The following BCL2 variants were observed in gnomAD, a reference collection of about 807,000 sequenced individuals.
BCL2 encodes the protein apoptosis regulator Bcl-2.
In BCL2, 1 loss-of-function variant was observed where a neutral mutation model predicts 14.2. The ratio of observed to expected loss-of-function variants is 0.07; its 90% CI spans 0.02 to 0.33. The LOEUF (loss-of-function observed/expected upper bound fraction) is 0.33, where lower values mean the gene tolerates loss of function less well. Ranked by LOEUF, BCL2 falls within the 10% of genes least tolerant of loss-of-function variation. BCL2 has a pLI of 0.99. For missense variants in BCL2, 247 were observed against 305.9 expected (o/e 0.81, Z 1.44); for synonymous variants, 151 against 137.2 (o/e 1.10, Z -0.70).
intron 2 of BCL2, among the ~76,000 whole-genome samples, chr18:63,209,015 G>C (rs553992927): frequency 6.6e-6 from 1 of 152,230 alleles, no homozygotes; most frequent in Non-Finnish European, 1.5e-5. Context: ...TCAGCTCAGA[G>C]CCAGTCACCA....
chr18:63,189,725 T>C (rs145669422), intron 2 of BCL2, among the ~76,000 whole-genome samples: 156 of 116,668 alleles, frequency 1.3e-3, no homozygotes, highest in African/African-American at 4.9e-3. Context: ...TCCAATGAAG[T>C]GCTGCTTTCA....
chr18:63,318,421 C>G lies in BCL2; in HGVS notation c.246G>C (p.Ala82=), dbSNP rs1214020406. The change falls in exon 2 of 3, where the codon GCG becomes GCC. Residue 82 remains alanine, a synonymous_variant. Transcript: ENST00000333681. This position sits in a 1 kb window ranked among gnomAD's most constrained non-coding sequence, Gnocchi z 7.4. ...LQTPAAPGAA[A]GPALSPVPPV... ...GTGGCACCGGGCTGAGCGCAGGCCC[C>G]GCGGCGGCGCCGGGGGCAGCCGGGG... 2 of 1,493,002 alleles carry G rather than the reference C, an allele frequency of 1.3e-6. No homozygotes were observed. Among genetic ancestry groups the G allele is most frequent in the African/African-American group, 1.5e-5 (1 of 68,602 alleles). The allele number at this position is 1,493,002 out of a possible 1,614,324, so 92.5% of individuals were successfully genotyped here. A position where few individuals can be genotyped will look rare whatever the true frequency, so the allele number is the denominator to read the frequency against.
chr18:63,287,317 A>G (rs904409543), intron 2 of BCL2, among the ~76,000 whole-genome samples: 3 of 152,186 alleles, frequency 2.0e-5, no homozygotes, highest in East Asian at 3.9e-4. Flanking sequence ...TGGAGAAACT[A>G]AGTGTTTCTC....
intron 2 of BCL2, among the ~76,000 whole-genome samples, chr18:63,130,857 A>C (rs1914047137): frequency 1.3e-5 from 2 of 152,222 alleles, no homozygotes; most frequent in Non-Finnish European, 2.9e-5. Context: ...GACATCATGA[A>C]GGGCTTGCCT....
rs563896505 is a variant in BCL2, at chr18:63,134,074, C to T, written c.586-5315G>A. On this transcript the variant is annotated intron_variant, in intron 2 of 2. Coordinates refer to ENST00000333681, the MANE Select transcript of BCL2 (RefSeq NM_000633.3). ...TAAAAACCTAACATATACATGTGCG[C>T]GTTTACAAACAGAAAAAAATAATAT... Among the ~76,000 whole-genome samples, 30 of 151,988 alleles carry T rather than the reference C, an allele frequency of 2.0e-4. No homozygotes were observed. The South Asian group carries it at 3.1e-3, about 16-fold the overall frequency.
intron 2 of BCL2, among the ~76,000 whole-genome samples, chr18:63,187,704 G>GTAT (rs1915622135): frequency 6.6e-6 from 1 of 152,210 alleles, no homozygotes; most frequent in South Asian, 2.1e-4. Context: ...GGTCTTCCTA[G>GTAT]TATTGTTGTT....
intron 2 of BCL2, among the ~76,000 whole-genome samples, chr18:63,213,072 G>A (rs1020687645): frequency 6.6e-6 from 1 of 152,170 alleles, no homozygotes; most frequent in African/African-American, 2.4e-5. Flanking sequence ...AGGAGCAGAG[G>A]AGGACAGAGG....
intron 2 of BCL2, among the ~76,000 whole-genome samples, chr18:63,183,476 C>T (rs1915523504): frequency 6.6e-6 from 1 of 152,208 alleles, no homozygotes; most frequent in African/African-American, 2.4e-5. Context: ...GGGCATGGGA[C>T]AGCTGTTCCT....
intron 2 of BCL2, among the ~76,000 whole-genome samples, chr18:63,137,324 T>G (rs1300073117): frequency 1.3e-5 from 2 of 152,246 alleles, no homozygotes; most frequent in African/African-American, 4.8e-5. Context: ...CATGTCTGCC[T>G]TCCCCATTCA....
chr18:63,186,983 A>G (rs572293945), intron 2 of BCL2, among the ~76,000 whole-genome samples: 1 of 152,362 alleles, frequency 6.6e-6, no homozygotes, highest in Admixed American at 6.5e-5. Context: ...TTTTCATGTG[A>G]ATATCCATCT....
Position 63,158,515 on chromosome 18 carries a change from C to G in BCL2, c.586-29756G>C, listed in dbSNP as rs1243628322. Among the ~76,000 whole-genome samples the G allele has an allele frequency of 2.0e-5, 3 of 152,168 alleles. No homozygotes were observed. In the East Asian group the frequency reaches 5.8e-4, roughly 29 times the overall value. ...AGCCAGTGAGCAGAAAGACCTGACT[C>G]CTTCCTGGGGCCCCTTCCTCCAGAG... On this transcript the variant is annotated intron_variant, in intron 2 of 2. Coordinates refer to ENST00000333681, the MANE Select transcript of BCL2 (RefSeq NM_000633.3).
In BCL2 at chr18:63,306,794, C is replaced by T. The variant is rs117876781; in HGVS notation, c.585+11288G>A. ...TCCATGGCAGGCTTTGAATACAGCC[C>T]AACACACATTTGTAAACTTTCTTAA... On this transcript the variant is annotated intron_variant, in intron 2 of 2. Coordinates refer to ENST00000333681, the MANE Select transcript of BCL2 (RefSeq NM_000633.3). 5.3e-5 allele frequency among the ~76,000 whole-genome samples: 8 copies of T among 151,992 alleles called. No homozygotes were observed. The East Asian group carries it at 1.4e-3, about 26-fold the overall frequency.
intron 2 of BCL2, among the ~76,000 whole-genome samples, chr18:63,256,040 T>C (rs1911467055): frequency 6.6e-6 from 1 of 152,156 alleles, no homozygotes; most frequent in Admixed American, 6.5e-5. Context: ...TACCTGATGG[T>C]TAATTAATCA....
chr18:63,170,355 T>C (rs1162752921), intron 2 of BCL2, among the ~76,000 whole-genome samples: 1 of 152,144 alleles, frequency 6.6e-6, no homozygotes, highest in Non-Finnish European at 1.5e-5. Context: ...AATATAGCAA[T>C]GAGCTTGGAA....
chr18:63,127,919 C>T lies in BCL2; in HGVS notation c.*706G>A, dbSNP rs775194968. The T allele has an allele frequency of 4.4e-6, 1 of 225,100 alleles. No individual in the cohort carries two copies. The highest frequency in any genetic ancestry group is 8.9e-6 in the Non-Finnish European group (1 of 112,718). 13.9% of individuals were successfully genotyped at this position (225,100 alleles called of 1,614,324 possible). ...ATTGGTAGCTTAAAAAAATACTTTCCTATGATTTAAGGGCATTTTTCCCAT... is the reference window on the plus strand; with the variant it reads ...ATTGGTAGCTTAAAAAAATACTTTCTTATGATTTAAGGGCATTTTTCCCAT... On this transcript the variant is annotated 3_prime_UTR_variant, in exon 3 of 3. Transcript: ENST00000333681.
At chr18:63,291,154 C>T (rs1300653015) in intron 2 of BCL2, among the ~76,000 whole-genome samples, 1 of 152,174 alleles carries the variant, frequency 6.6e-6, no homozygotes, top group African/African-American at 2.4e-5. Context: ...ATTTATGCTG[C>T]AGATTGAAAA....
At position 63,301,861 on chromosome 18, in the gene BCL2, T is replaced by G. The variant is rs150251629; in HGVS notation, c.585+16221A>C. Among the ~76,000 whole-genome samples, 825 of 152,316 alleles carry G rather than the reference T, an allele frequency of 5.4e-3. 9 individuals are homozygous for G. Among genetic ancestry groups the G allele is most frequent in the African/African-American group, 0.019 (790 of 41,572 alleles). On this transcript the variant is annotated intron_variant, in intron 2 of 2. Transcript: ENST00000333681. ...AACTCTAGAACTAAGAGGTCACATG[T>G]AAAGCTGTTAAAAGAACAAAAATAC...
intron 2 of BCL2, among the ~76,000 whole-genome samples, chr18:63,272,948 C>A (rs188485206): frequency 1.1e-4 from 17 of 151,382 alleles, no homozygotes; most frequent in African/African-American, 4.1e-4. Flanking sequence ...TGTTGTAGAT[C>A]TCTTGGTAGT....
chr18:63,278,366 C>T (rs2144250780), intron 2 of BCL2, among the ~76,000 whole-genome samples: 1 of 152,336 alleles, frequency 6.6e-6, no homozygotes, highest in South Asian at 2.1e-4. Flanking sequence ...GTCGGGCTCC[C>T]CGGAGCCTTC....
Sources: allele counts gnomAD v4.1 joint callset (sites outside exome capture counted in the v4.1 genomes callset), GRCh38; gene constraint gnomAD v4.1.1; non-coding constraint Gnocchi (gnomAD v3.1); transcripts MANE v1.5; gene names NCBI Gene and HGNC (gene_info 2026-07-23, HGNC 2026-07-21).